Variants in CTDSPL observed in about 807,000 individuals in gnomAD.
CTDSPL encodes the protein CTD small phosphatase like.
CTDSPL carries 8 observed loss-of-function variants against 30.5 expected under a neutral mutation model. The ratio of observed to expected loss-of-function variants is 0.26; its 90% confidence interval spans 0.15 to 0.47. CTDSPL has a LOEUF of 0.47. Ranked by LOEUF, CTDSPL falls within the 20% of genes least tolerant of loss-of-function variation. The probability of loss-of-function intolerance (pLI) is 0.99; values close to 1 mark genes in which losing one functional copy is unlikely to be tolerated. For missense variants in CTDSPL, 248 were observed against 366.1 expected, an observed-to-expected ratio of 0.68 and a Z score of 2.63; for synonymous variants, 110 against 137.9, an observed-to-expected ratio of 0.80 and a Z score of 1.42.
intron 1 of CTDSPL, among the ~76,000 whole-genome samples, chr3:37,901,233 T>G (rs1698447137): frequency 2.0e-5 from 3 of 152,178 alleles, no homozygotes; most frequent in African/African-American, 4.8e-5. Flanking sequence ...GGCCTCTGCC[T>G]TTCTGTGTAT....
chr3:37,916,920 G>GC (rs1020675409), intron 1 of CTDSPL, among the ~76,000 whole-genome samples: 1 of 152,148 alleles, frequency 6.6e-6, no homozygotes, highest in African/African-American at 2.4e-5. Flanking sequence ...CAATCTGGGT[G>GC]CCATGAGTCA....
Position 37,984,353 on chromosome 3 carries a change from C to G in CTDSPL, c.*3486C>G. On this transcript the variant is annotated 3_prime_UTR_variant, in exon 8 of 8. Coordinates refer to ENST00000273179, the MANE Select transcript of CTDSPL (RefSeq NM_001008392.2). ...TGGACATTTGAATGTGATAAACAAT[C>G]CAGCATTACTTAGGAAATGCTACAT... The G allele has an allele frequency of 8.8e-6, 4 of 453,280 alleles. No homozygotes were observed. The Admixed American group carries it at 9.4e-5, about 11-fold the overall frequency. The allele number at this position is 453,280 out of a possible 1,614,324, so 28.1% of individuals were successfully genotyped here.
chr3:37,863,718 G>A (rs963429042), intron 1 of CTDSPL, among the ~76,000 whole-genome samples: 1 of 152,192 alleles, frequency 6.6e-6, no homozygotes, highest in Non-Finnish European at 1.5e-5. Context: ...GGGAGTGAGG[G>A]GAATATTCTG....
At chr3:37,892,308 A>T (rs1413944066) in intron 1 of CTDSPL, among the ~76,000 whole-genome samples, 1 of 152,234 alleles carries the variant, frequency 6.6e-6, no homozygotes, top group Non-Finnish European at 1.5e-5. Flanking sequence ...TCCTATTAAA[A>T]AAGGCTAAAT....
intron 1 of CTDSPL, among the ~76,000 whole-genome samples, chr3:37,888,741 A>G (rs1698290825): frequency 6.6e-6 from 1 of 152,252 alleles, no homozygotes; most frequent in South Asian, 2.1e-4. Context: ...TAGGCCTAGC[A>G]TCATCCTCAT....
chr3:37,953,922 A>G (rs114761039), intron 2 of CTDSPL, among the ~76,000 whole-genome samples: 1 of 152,332 alleles, frequency 6.6e-6, no homozygotes, highest in African/African-American at 2.4e-5. Context: ...TGCAGATGAC[A>G]TGACTGTTTA....
In CTDSPL at chr3:37,975,682, G is replaced by A. The variant is rs747421249; in HGVS notation, c.520-27G>A. ...TTTGGGGGGCTCTTTTAAACACCCA[G>A]CCTTCATTGTGACACGTCTTTTCCA... On this transcript the variant is annotated intron_variant, in intron 6 of 7. Transcript: ENST00000273179. The surrounding 1 kb of genome is among the most constrained non-coding windows in gnomAD (Gnocchi z 4.9). 5.0e-6 allele frequency: 8 copies of A among 1,584,472 alleles called. No homozygotes were observed. Among genetic ancestry groups the A allele is most frequent in the Non-Finnish European group, 6.9e-6 (8 of 1,160,990 alleles).
At position 37,885,905 on chromosome 3, in the gene CTDSPL, A is replaced by G. The variant is rs188175867; in HGVS notation, c.79+23627A>G. ...TCTGCTTACTACAGAGAGAACTGAA[A>G]CTACAGCCAAGCAAACAGCAAAAAC... On this transcript the variant is annotated intron_variant, in intron 1 of 7. Transcript: ENST00000273179. Among the ~76,000 whole-genome samples the G allele has an allele frequency of 8.7e-4, 132 of 152,316 alleles. 2 individuals are homozygous for G. Among genetic ancestry groups the G allele is most frequent in the Admixed American group, 6.3e-3 (97 of 15,302 alleles).
Position 37,937,694 on chromosome 3 carries a change from G to T in CTDSPL, c.80-9363G>T, listed in dbSNP as rs1698931847. ...GATGAAGACAAGCCAGGGTAGATCA[G>T]TCATCACCTGGGAGATGGTGGAGGG... On this transcript the variant is annotated intron_variant, in intron 1 of 7. Transcript: ENST00000273179. Among the ~76,000 whole-genome samples the T allele has an allele frequency of 1.3e-5, 2 of 150,482 alleles. 1 individual carries two copies. The highest frequency in any genetic ancestry group is 1.3e-4 in the Admixed American group (2 of 14,996).
In CTDSPL at chr3:37,874,981, A is replaced by G. The variant is rs533249771; in HGVS notation, c.79+12703A>G. On this transcript the variant is annotated intron_variant, in intron 1 of 7. Transcript: ENST00000273179. ...TTTTAATGACCTATCTTTCTCTTAA[A>G]AATCCACTACCTTTAAATAATTCTT... 2.6e-5 allele frequency among the ~76,000 whole-genome samples: 4 copies of G among 152,336 alleles called. No individual in the cohort carries two copies. The South Asian group carries it at 6.2e-4, about 24-fold the overall frequency.
At chr3:37,925,356 C>T (rs1044733651) in intron 1 of CTDSPL, among the ~76,000 whole-genome samples, 41 of 152,296 alleles carry the variant, frequency 2.7e-4, no homozygotes, top group Admixed American at 6.5e-4. Context: ...AAGGCATACC[C>T]TCCAAGCATT....
intron 5 of CTDSPL, among the ~76,000 whole-genome samples, chr3:37,968,674 C>T (rs751837922): frequency 2.8e-4 from 43 of 152,126 alleles, no homozygotes; most frequent in Admixed American, 4.6e-4. Context: ...GTACTTGAGC[C>T]ACAACGGGAT....
chr3:37,916,438 G>A (rs1458182937), intron 1 of CTDSPL, among the ~76,000 whole-genome samples: 3 of 152,156 alleles, frequency 2.0e-5, no homozygotes, highest in African/African-American at 4.8e-5. Context: ...GAAATAGGTC[G>A]TTGCAAATGT....
chr3:37,886,396 T>C (rs564863161), intron 1 of CTDSPL, among the ~76,000 whole-genome samples: 7 of 152,266 alleles, frequency 4.6e-5, no homozygotes, highest in African/African-American at 1.7e-4. Context: ...CCTATCACAA[T>C]GACCAGTCCC....
At chr3:37,913,008 T>C (rs1265842201) in intron 1 of CTDSPL, among the ~76,000 whole-genome samples, 2 of 152,178 alleles carry the variant, frequency 1.3e-5, no homozygotes, top group Non-Finnish European at 1.5e-5. Flanking sequence ...TAGAAGTAGT[T>C]TGATGAGTGT....
chr3:37,951,950 G>C (rs1370312400), intron 2 of CTDSPL, among the ~76,000 whole-genome samples: 1 of 152,170 alleles, frequency 6.6e-6, no homozygotes, highest in Non-Finnish European at 1.5e-5. Flanking sequence ...AGATTGGTTT[G>C]ACAAATTCAG....
chr3:37,963,866 T>TAA (rs1699269194), intron 3 of CTDSPL, among the ~76,000 whole-genome samples: 1 of 151,900 alleles, frequency 6.6e-6, no homozygotes, highest in Non-Finnish European at 1.5e-5. Flanking sequence ...ATCCAAGGGG[T>TAA]AAAAATACCA....
At chr3:37,919,251 ACT>A (rs1698686573) in intron 1 of CTDSPL, among the ~76,000 whole-genome samples, 1 of 152,096 alleles carries the variant, frequency 6.6e-6, no homozygotes, top group Admixed American at 6.6e-5. Flanking sequence ...AGACTCCTGG[ACT>A]CTCTTGAGAA....
At chr3:37,928,876 T>TC (rs1296480285) in intron 1 of CTDSPL, among the ~76,000 whole-genome samples, 3 of 152,202 alleles carry the variant, frequency 2.0e-5, no homozygotes, top group Non-Finnish European at 4.4e-5. Context: ...ATGAAGTTTT[T>TC]CCCCTGTGTT....
Sources: gnomAD v4.1 joint callset for allele counts (sites outside exome capture counted in the v4.1 genomes callset) on GRCh38, gnomAD v4.1.1 for gene constraint, Gnocchi (gnomAD v3.1) non-coding constraint, MANE v1.5 for transcripts, NCBI Gene and HGNC (gene_info 2026-07-23, HGNC 2026-07-21) for gene names.